CHCHD6: variants seen among roughly 807,000 people sequenced by gnomAD.
CHCHD6 encodes the protein coiled-coil-helix-coiled-coil-helix domain containing 6.
Under a neutral mutation model 32.3 loss-of-function variants are expected in CHCHD6, and 28 were observed. The ratio of observed to expected loss-of-function variants is 0.87; its 90% CI spans 0.64 to 1.19. The LOEUF (loss-of-function observed/expected upper bound fraction) is 1.19, where lower values mean the gene tolerates loss of function less well. Among genes scored for constraint, CHCHD6 ranks in the 50% most tolerant of loss-of-function variants. The probability of loss-of-function intolerance (pLI) is 0.00; values close to 1 mark genes in which losing one functional copy is unlikely to be tolerated. For missense variants in CHCHD6, 333 were observed against 307.0 expected (o/e 1.08, Z -0.63); for synonymous variants, 122 against 117.5 (o/e 1.04, Z -0.25).
At chr3:126,871,136 G>A (rs1158658221) in intron 5 of CHCHD6, among the ~76,000 whole-genome samples, 1 of 152,172 alleles carries the variant, frequency 6.6e-6, no homozygotes, top group Non-Finnish European at 1.5e-5. Context: ...TTTTCAGTCT[G>A]AAGATTGTTC....
rs1934712189 is a variant in CHCHD6 at position 126,710,743 on chromosome 3, GTATAGAAA to G, written c.87+6350_87+6357del. On this transcript the variant is annotated intron_variant, in intron 1 of 7. Transcript: ENST00000290913. ...TATTTTTGGGCTCGTTGTTGCTAAT[GTATAGAAA>G]TATAGTTGGTTTCTGTATATTGACT... 2.0e-5 allele frequency among the ~76,000 whole-genome samples: 3 copies of G among 152,250 alleles called. No individual in the cohort carries two copies. The South Asian group carries it at 6.2e-4, about 32-fold the overall frequency.
intron 5 of CHCHD6, among the ~76,000 whole-genome samples, chr3:126,897,885 C>T (rs964817264): frequency 1.3e-5 from 2 of 152,204 alleles, no homozygotes; most frequent in African/African-American, 2.4e-5. Flanking sequence ...TGCATGTGGA[C>T]AGTCCTGGGT....
In CHCHD6 at chr3:126,704,320, G is replaced by A. The variant is rs767249214; in HGVS notation, c.8G>A (p.Ser3Asn). MG[S>N]TESSEGRRVS... ...GCCCTGCGGCATCTCGCCATGGGGAGCACGGAGAGCAGCGAGGGCCGCAGG... is the reference window on the plus strand; with the variant it reads ...GCCCTGCGGCATCTCGCCATGGGGAACACGGAGAGCAGCGAGGGCCGCAGG... The change falls in exon 1 of 8, where the codon AGC becomes AAC. Residue 3 changes from serine (S) to asparagine (N), a missense_variant. Physicochemically the swap from Ser to Asn is conservative, Grantham distance 46. Coordinates refer to ENST00000290913, the MANE Select transcript of CHCHD6 (RefSeq NM_032343.3). 1 of 1,603,922 alleles carries A rather than the reference G, an allele frequency of 6.2e-7. No individual in the cohort carries two copies. The highest frequency in any genetic ancestry group is 8.5e-7 in the Non-Finnish European group (1 of 1,177,234).
intron 5 of CHCHD6, among the ~76,000 whole-genome samples, chr3:126,876,970 A>C (rs1004894570): frequency 5.3e-5 from 8 of 152,178 alleles, no homozygotes; most frequent in Non-Finnish European, 1.2e-4. Context: ...CATCCAAAGC[A>C]CTTTGGGTAG....
At chr3:126,891,512 G>A (rs2077759588) in intron 5 of CHCHD6, among the ~76,000 whole-genome samples, 1 of 152,158 alleles carries the variant, frequency 6.6e-6, no homozygotes. Flanking sequence ...GAACCAGGAG[G>A]CAGTTCCATG....
At chr3:126,733,632 G>C (rs1935911942) in intron 4 of CHCHD6, among the ~76,000 whole-genome samples, 2 of 152,192 alleles carry the variant, frequency 1.3e-5, no homozygotes. Context: ...TTTAGAGTTA[G>C]GCAGGTTGGG....
intron 2 of CHCHD6, 95 bp downstream of exon 2, chr3:126,727,281 G>C: frequency 3.6e-6 from 3 of 822,136 alleles, no homozygotes; most frequent in Admixed American, 2.2e-5. Flanking sequence ...ACAGGGCTCA[G>C]GTTGGCTTCT....
intron 6 of CHCHD6, among the ~76,000 whole-genome samples, chr3:126,948,244 C>T (rs1257448757): frequency 6.6e-6 from 1 of 152,232 alleles, no homozygotes; most frequent in African/African-American, 2.4e-5. Context: ...CTTATCCTCT[C>T]ACAGTTCTGG....
intron 4 of CHCHD6, among the ~76,000 whole-genome samples, chr3:126,734,631 A>G (rs1935959458): frequency 6.6e-6 from 1 of 152,264 alleles, no homozygotes; most frequent in South Asian, 2.1e-4. Flanking sequence ...AAGACAAACT[A>G]AGAACTTTGA....
chr3:126,919,899 G>T (rs2078222477), intron 6 of CHCHD6, among the ~76,000 whole-genome samples: 1 of 150,760 alleles, frequency 6.6e-6, no homozygotes. Flanking sequence ...TATTCTTTTT[G>T]GATTCAGGTC....
chr3:126,857,880 G>T (rs2107555216), intron 5 of CHCHD6, among the ~76,000 whole-genome samples: 1 of 152,352 alleles, frequency 6.6e-6, no homozygotes, highest in Non-Finnish European at 1.5e-5. Context: ...AGCCACTGTG[G>T]AAGATCGATA....
At chr3:126,863,358 C>T (rs1300146157) in intron 5 of CHCHD6, among the ~76,000 whole-genome samples, 1 of 126,202 alleles carries the variant, frequency 7.9e-6, no homozygotes, top group African/African-American at 3.3e-5. Flanking sequence ...CCTCCTCTAC[C>T]ATCACCACCT....
chr3:126,768,115 C>A (rs1241504695), intron 4 of CHCHD6, among the ~76,000 whole-genome samples: 1 of 152,132 alleles, frequency 6.6e-6, no homozygotes, highest in African/African-American at 2.4e-5. Flanking sequence ...TTGTAATCCC[C>A]AGTGTTGGAG....
At chr3:126,842,814 T>TC (rs1443571174) in intron 4 of CHCHD6, among the ~76,000 whole-genome samples, 1 of 150,206 alleles carries the variant, frequency 6.7e-6, no homozygotes, top group East Asian at 1.9e-4. Context: ...GAAATTCTTT[T>TC]TTTTTTTTTT....
At chr3:126,774,885 T>A (rs1384153080) in intron 4 of CHCHD6, among the ~76,000 whole-genome samples, 1 of 152,236 alleles carries the variant, frequency 6.6e-6, no homozygotes, top group Non-Finnish European at 1.5e-5. Context: ...AGCTGGCTTT[T>A]CTGGGGGGCT....
chr3:126,760,032 A>G (rs1174854794), intron 4 of CHCHD6, among the ~76,000 whole-genome samples: 1 of 152,160 alleles, frequency 6.6e-6, no homozygotes, highest in African/African-American at 2.4e-5. Flanking sequence ...TAAAACAACT[A>G]GATCTCTTGA....
rs990109796 is a variant in CHCHD6 at position 126,956,060 on chromosome 3, T to C, written c.567-1356T>C. Among the ~76,000 whole-genome samples the C allele has an allele frequency of 2.0e-5, 3 of 152,204 alleles. 1 individual carries two copies. On this transcript the variant is annotated intron_variant, in intron 6 of 7. Coordinates refer to ENST00000290913, the MANE Select transcript of CHCHD6 (RefSeq NM_032343.3). ...CTGTCGAGCATCCTGGTGCTGGTGG[T>C]TTCTAGCTGAGGAACTGTGTTCAAG...
chr3:126,824,350 T>C (rs1490010631), intron 4 of CHCHD6, among the ~76,000 whole-genome samples: 1 of 151,046 alleles, frequency 6.6e-6, no homozygotes, highest in Non-Finnish European at 1.5e-5. Flanking sequence ...TCACCTGAAG[T>C]CGGGAGTTCG....
rs539609074 is a variant in CHCHD6, at chr3:126,944,987, T to C, written c.567-12429T>C. Among the ~76,000 whole-genome samples the C allele has an allele frequency of 6.6e-5, 10 of 152,274 alleles. No individual in the cohort carries two copies. In the East Asian group the frequency reaches 1.9e-3, roughly 29 times the overall value. On this transcript the variant is annotated intron_variant, in intron 6 of 7. Coordinates refer to ENST00000290913, the MANE Select transcript of CHCHD6 (RefSeq NM_032343.3). ...GGCAGGGCAGAGGTTTCATTGTTTG[T>C]GAGTCTGGTCACCATGGGATGGGCA... is the stretch of plus-strand genomic sequence containing the variant.
Sources: allele counts gnomAD v4.1 joint callset (sites outside exome capture counted in the v4.1 genomes callset), GRCh38; gene constraint gnomAD v4.1.1; transcripts MANE v1.5; gene names NCBI Gene and HGNC (gene_info 2026-07-23, HGNC 2026-07-21).